SULT4A1: variants seen among roughly 807,000 people sequenced by gnomAD.
The protein encoded by SULT4A1 is sulfotransferase 4A1.
SULT4A1 carries 11 observed loss-of-function variants against 35.2 expected under a neutral mutation model. The observed-to-expected ratio is 0.31, with a 90% confidence interval of 0.20 to 0.52. The LOEUF (loss-of-function observed/expected upper bound fraction) is 0.52. Ranked by LOEUF, SULT4A1 falls within the 20% of genes least tolerant of loss-of-function variation. SULT4A1 has a pLI of 0.97. For missense variants in SULT4A1, 271 were observed against 383.7 expected, an observed-to-expected ratio of 0.71 and a Z score of 2.45; for synonymous variants, 152 against 151.8, an observed-to-expected ratio of 1.00 and a Z score of -0.01.
intron 1 of SULT4A1, among the ~76,000 whole-genome samples, chr22:43,849,679 CCCA>C (rs1190937849): frequency 6.6e-6 from 1 of 152,138 alleles, no homozygotes; most frequent in African/African-American, 2.4e-5. Flanking sequence ...AATAAAATCC[CCCA>C]CATTTACCAT....
At chr22:43,849,313 C>T (rs978982086) in intron 1 of SULT4A1, among the ~76,000 whole-genome samples, 7 of 152,258 alleles carry the variant, frequency 4.6e-5, no homozygotes, top group East Asian at 1.9e-4. Context: ...GGGCAGAAGA[C>T]GGCAGGTCCC....
intron 1 of SULT4A1, among the ~76,000 whole-genome samples, chr22:43,857,700 G>A (rs1040841465): frequency 3.9e-5 from 6 of 152,060 alleles, no homozygotes; most frequent in Non-Finnish European, 8.8e-5. Flanking sequence ...GCAGCCAGAG[G>A]AAAACAGGCA....
intron 2 of SULT4A1, 61 bp from the exon 3 acceptor site, chr22:43,840,086 G>C: frequency 7.3e-7 from 1 of 1,360,690 alleles, no homozygotes; most frequent in East Asian, 2.4e-5. Flanking sequence ...GGGAGGAGTG[G>C]GGCCAAGGGG....
intron 1 of SULT4A1, among the ~76,000 whole-genome samples, chr22:43,854,053 G>A (rs1045447330): frequency 6.6e-6 from 1 of 152,230 alleles, no homozygotes; most frequent in Non-Finnish European, 1.5e-5. Context: ...TTGCCCTCAT[G>A]TAGCACTCTC....
At chr22:43,852,776 G>A (rs1433110525) in intron 1 of SULT4A1, among the ~76,000 whole-genome samples, 2 of 150,312 alleles carry the variant, frequency 1.3e-5, no homozygotes, top group African/African-American at 4.9e-5. Flanking sequence ...GCAACTAGAT[G>A]GGGAACCAAG....
At chr22:43,833,927 G>A (rs1033529648) in intron 4 of SULT4A1, among the ~76,000 whole-genome samples, 193 bp from the exon 5 acceptor site, 15 of 152,326 alleles carry the variant, frequency 9.8e-5, no homozygotes, top group African/African-American at 2.9e-4. Flanking sequence ...TCCCGCCTTC[G>A]GCACGCCTTG....
chr22:43,849,668 C>A (rs1485978607), intron 1 of SULT4A1, among the ~76,000 whole-genome samples: 1 of 152,162 alleles, frequency 6.6e-6, no homozygotes, highest in Non-Finnish European at 1.5e-5. Flanking sequence ...CTTTCATCAG[C>A]AATAAAATCC....
chr22:43,843,832 AGCC>A (rs1350880154), intron 1 of SULT4A1, among the ~76,000 whole-genome samples: 1 of 152,236 alleles, frequency 6.6e-6, no homozygotes, highest in Non-Finnish European at 1.5e-5. Context: ...GAGTTCTGTG[AGCC>A]GCTCTGGCAA....
At chr22:43,853,409 A>G (rs1056596499) in intron 1 of SULT4A1, among the ~76,000 whole-genome samples, 1 of 152,198 alleles carries the variant, frequency 6.6e-6, no homozygotes, top group African/African-American at 2.4e-5. Flanking sequence ...AACGAATTGC[A>G]GCCATCCCCA....
chr22:43,846,120 C>T (rs2063475077), intron 1 of SULT4A1, among the ~76,000 whole-genome samples: 1 of 152,200 alleles, frequency 6.6e-6, no homozygotes, highest in African/African-American at 2.4e-5. Context: ...ACTCCCTCAC[C>T]ACCTGGCTCT....
intron 1 of SULT4A1, among the ~76,000 whole-genome samples, chr22:43,859,811 C>T (rs2049445214): frequency 6.6e-6 from 1 of 152,188 alleles, no homozygotes; most frequent in Non-Finnish European, 1.5e-5. Flanking sequence ...CTACTGAGCA[C>T]CTGAAACATG....
At chr22:43,836,575 C>T (rs1451956668) in intron 4 of SULT4A1, among the ~76,000 whole-genome samples, 2 of 126,474 alleles carry the variant, frequency 1.6e-5, no homozygotes, top group Admixed American at 1.5e-4. Context: ...CGTCCTCCAA[C>T]TGCAGGTGCC....
At chr22:43,830,007 CGCTGGTGTGGGAGTCA>C (rs1449410530) in intron 5 of SULT4A1, among the ~76,000 whole-genome samples, 2 of 152,180 alleles carry the variant, frequency 1.3e-5, no homozygotes, top group Non-Finnish European at 2.9e-5. Flanking sequence ...GTTCTCTGAC[CGCTGGTGTGGGAGTCA>C]GCTGGTGTGG....
chr22:43,840,419 C>T (rs1440299997), intron 2 of SULT4A1, among the ~76,000 whole-genome samples: 1 of 152,054 alleles, frequency 6.6e-6, no homozygotes, highest in African/African-American at 2.4e-5. Flanking sequence ...CCCTTGTCAC[C>T]TGAGACAAAG....
intron 4 of SULT4A1, among the ~76,000 whole-genome samples, chr22:43,835,497 A>G (rs2063363691): frequency 6.6e-6 from 1 of 152,168 alleles, no homozygotes; most frequent in South Asian, 2.1e-4. Context: ...GAGGAGCTGC[A>G]CCCACATCCC....
intron 1 of SULT4A1, among the ~76,000 whole-genome samples, chr22:43,857,134 C>T (rs2049410321): frequency 6.6e-6 from 1 of 152,040 alleles, no homozygotes; most frequent in Non-Finnish European, 1.5e-5. Flanking sequence ...AAAAACATAA[C>T]AGAAACATTG....
intron 4 of SULT4A1, among the ~76,000 whole-genome samples, chr22:43,837,396 TC>T (rs2063385837): frequency 6.6e-6 from 1 of 152,102 alleles, no homozygotes; most frequent in Non-Finnish European, 1.5e-5. Context: ...GTGGGTGTTG[TC>T]CCCATGCTCT....
intron 4 of SULT4A1, among the ~76,000 whole-genome samples, chr22:43,838,297 A>C (rs538022397): frequency 6.6e-6 from 1 of 152,380 alleles, no homozygotes; most frequent in East Asian, 1.9e-4. Flanking sequence ...GCCAGAGAAC[A>C]GCACATGGCA....
intron 1 of SULT4A1, among the ~76,000 whole-genome samples, chr22:43,843,668 G>C (rs1163308845): frequency 6.6e-6 from 1 of 152,252 alleles, no homozygotes; most frequent in Non-Finnish European, 1.5e-5. Context: ...CCAAAGAGCT[G>C]AACACATGGG....
Sources: allele counts gnomAD v4.1 joint callset (sites outside exome capture counted in the v4.1 genomes callset), GRCh38; gene constraint gnomAD v4.1.1; transcripts MANE v1.5; gene names NCBI Gene and HGNC (gene_info 2026-07-23, HGNC 2026-07-21).